The following BMAL1 variants were observed in gnomAD, a reference collection of about 807,000 sequenced individuals.
BMAL1 encodes basic helix-loop-helix ARNT like 1.
the BMAL1 span, chr11:13,378,211 CCCT>C: frequency 7.7e-7 from 1 of 1,291,104 alleles, no homozygotes; most frequent in South Asian, 1.8e-5. Context: ...GCCCTAAAGT[CCCT>C]CAAGGCACAA....
chr11:13,371,869 C>T, the BMAL1 span, among the ~76,000 whole-genome samples: 1 of 152,184 alleles, frequency 6.6e-6, no homozygotes, highest in Non-Finnish European at 1.5e-5. Flanking sequence ...TCCACCTCCT[C>T]TACTGGTTTT....
the BMAL1 span, chr11:13,386,731 T>G: frequency 1.2e-6 from 2 of 1,614,012 alleles, no homozygotes; most frequent in Admixed American, 1.7e-5. Flanking sequence ...CCTGTTGACT[T>G]TAGTGACTTG....
the BMAL1 span, among the ~76,000 whole-genome samples, chr11:13,282,553 C>T: frequency 7.2e-5 from 11 of 152,162 alleles, no homozygotes; most frequent in Admixed American, 1.3e-4. Flanking sequence ...CTGTACCAGC[C>T]CTTGGCCCAG....
chr11:13,317,254 C>T, the BMAL1 span, among the ~76,000 whole-genome samples: 1,349 of 152,154 alleles, frequency 8.9e-3, 11 homozygotes, highest in Non-Finnish European at 0.014. Context: ...TTTTGAATTG[C>T]ACATTATGTC....
At chr11:13,301,539 T>G in the BMAL1 span, among the ~76,000 whole-genome samples, 7 of 152,132 alleles carry the variant, frequency 4.6e-5, no homozygotes, top group Non-Finnish European at 1.5e-5. Context: ...AGGGTGGGGC[T>G]AAGGGGCAGG....
the BMAL1 span, among the ~76,000 whole-genome samples, chr11:13,340,178 C>T: frequency 6.6e-5 from 10 of 152,124 alleles, no homozygotes; most frequent in Non-Finnish European, 2.9e-5. Flanking sequence ...CAGTGGTAGC[C>T]GTCTGAGGCC....
At chr11:13,340,830 C>G in the BMAL1 span, among the ~76,000 whole-genome samples, 1 of 152,238 alleles carries the variant, frequency 6.6e-6, no homozygotes, top group Non-Finnish European at 1.5e-5. Context: ...AGGCCATCCA[C>G]TTCCATGGCC....
the BMAL1 span, among the ~76,000 whole-genome samples, chr11:13,283,077 C>G: frequency 6.6e-6 from 1 of 152,178 alleles, no homozygotes; most frequent in African/African-American, 2.4e-5. Flanking sequence ...TGCAGGGGAA[C>G]GTTGAGTACT....
chr11:13,375,997 A>C, the BMAL1 span, among the ~76,000 whole-genome samples: 1 of 152,210 alleles, frequency 6.6e-6, no homozygotes, highest in African/African-American at 2.4e-5. Context: ...GGAAATAGCA[A>C]CATTTCCTTC....
chr11:13,283,998 C>T, the BMAL1 span, among the ~76,000 whole-genome samples: 1 of 150,892 alleles, frequency 6.6e-6, no homozygotes, highest in Non-Finnish European at 1.5e-5. Flanking sequence ...GGGGAGGGGA[C>T]CTTTTCAAAG....
chr11:13,284,941 G>A, the BMAL1 span, among the ~76,000 whole-genome samples: 28 of 152,102 alleles, frequency 1.8e-4, no homozygotes, highest in Admixed American at 1.5e-3. Context: ...CCCTGTGCCC[G>A]AGGTTCAGTC....
chr11:13,372,164 A>G, the BMAL1 span: 2 of 1,613,636 alleles, frequency 1.2e-6, no homozygotes, highest in Admixed American at 3.3e-5. Flanking sequence ...GCTTTCTAGC[A>G]GATCGAAAAA....
At chr11:13,360,209 G>C in the BMAL1 span, 1 of 685,424 alleles carries the variant, frequency 1.5e-6, no homozygotes, top group Non-Finnish European at 2.4e-6. Flanking sequence ...GCTCATCTCA[G>C]TTAAGGCCTA....
At chr11:13,324,418 A>C in the BMAL1 span, among the ~76,000 whole-genome samples, 1 of 151,802 alleles carries the variant, frequency 6.6e-6, no homozygotes, top group South Asian at 2.1e-4. Flanking sequence ...TGGGCTTTGC[A>C]CTTGCTGTCC....
At chr11:13,360,528 T>C in the BMAL1 span, 1 of 976,514 alleles carries the variant, frequency 1.0e-6, no homozygotes, top group South Asian at 1.6e-5. Context: ...CTTTTTTTTT[T>C]AGGCCTGCTT....
At chr11:13,280,642 T>C in the BMAL1 span, among the ~76,000 whole-genome samples, 1 of 152,262 alleles carries the variant, frequency 6.6e-6, no homozygotes, top group Admixed American at 6.5e-5. Context: ...CCTTGAGGTT[T>C]CGTTGGGAGC....
the BMAL1 span, among the ~76,000 whole-genome samples, chr11:13,282,998 A>G: frequency 6.6e-6 from 1 of 152,144 alleles, no homozygotes; most frequent in Non-Finnish European, 1.5e-5. Context: ...GTCTGCATGG[A>G]AGGAGGGTTT....
At chr11:13,306,615 C>A in the BMAL1 span, among the ~76,000 whole-genome samples, 4 of 152,200 alleles carry the variant, frequency 2.6e-5, no homozygotes, top group African/African-American at 9.7e-5. Flanking sequence ...GCATTCTGGG[C>A]AGAGGAATTC....
At chr11:13,340,178 C>G in the BMAL1 span, among the ~76,000 whole-genome samples, 1 of 152,124 alleles carries the variant, frequency 6.6e-6, no homozygotes, top group Non-Finnish European at 1.5e-5. Context: ...CAGTGGTAGC[C>G]GTCTGAGGCC....
Sources: gnomAD v4.1 joint callset for allele counts (sites outside exome capture counted in the v4.1 genomes callset) on GRCh38, gnomAD v4.1.1 for gene constraint, MANE v1.5 for transcripts, NCBI Gene and HGNC (gene_info 2026-07-23, HGNC 2026-07-21) for gene names.